Variants in USP35 observed in about 807,000 individuals in gnomAD.
The protein encoded by USP35 is ubiquitin specific peptidase 35.
USP35 carries 69 observed loss-of-function variants against 83.8 expected under a neutral mutation model. The observed-to-expected ratio is 0.82, with a 90% confidence interval of 0.68 to 1.01. The LOEUF (loss-of-function observed/expected upper bound fraction) is 1.01, where lower values mean the gene tolerates loss of function less well. Ranked by LOEUF, USP35 falls within the 50% of genes least tolerant of loss-of-function variation. The pLI is 0.00. For synonymous variants in USP35, 714 were observed against 589.5 expected, an observed-to-expected ratio of 1.21 and a Z score of -3.06; for missense variants, 1,503 against 1,362.5, an observed-to-expected ratio of 1.10 and a Z score of -1.62.
rs1157193072 is a variant in USP35, at chr11:78,213,010, C to CT, written c.2890-633dup. ...TACTGAGCAGCTGGAACAGCATGGG[C>CT]TTTGACCAGTGGGATGGGTGCCAGT... On this transcript the variant is annotated intron_variant, in intron 10 of 10. Transcript: ENST00000529308. Among the ~76,000 whole-genome samples, 3 of 152,306 alleles carry CT rather than the reference C, an allele frequency of 2.0e-5. No homozygotes were observed. The East Asian group carries it at 5.8e-4, about 29-fold the overall frequency.
chr11:78,201,900 C>T (rs1863371155), intron 6 of USP35, among the ~76,000 whole-genome samples: 1 of 151,968 alleles, frequency 6.6e-6, no homozygotes, highest in African/African-American at 2.4e-5. Context: ...GGTAGGTGGC[C>T]CTTGCAGAAC....
intron 1 of USP35, among the ~76,000 whole-genome samples, chr11:78,194,559 C>T (rs1326161299): frequency 6.6e-6 from 1 of 152,304 alleles, no homozygotes; most frequent in East Asian, 1.9e-4. Flanking sequence ...TGGTTCTGCG[C>T]TCCAGGAGAG....
the USP35 span, among the ~76,000 whole-genome samples, chr11:78,234,613 A>G: frequency 2.0e-5 from 3 of 148,404 alleles, no homozygotes; most frequent in African/African-American, 4.9e-5. Context: ...TTTTATTTAT[A>G]TATGCATTTA....
At chr11:78,203,727 T>C (rs1010437202) in intron 6 of USP35, among the ~76,000 whole-genome samples, 145 of 137,866 alleles carry the variant, frequency 1.1e-3, no homozygotes, top group Admixed American at 3.8e-3. Context: ...TACAGGCGCC[T>C]GCCACCACGC....
chr11:78,234,188 TCCTC>T, the USP35 span, among the ~76,000 whole-genome samples: 1 of 152,148 alleles, frequency 6.6e-6, no homozygotes, highest in African/African-American at 2.4e-5. Context: ...GCTCAAGTGA[TCCTC>T]CCACCACAGC....
chr11:78,223,396 G>T, the USP35 span: 3 of 1,505,470 alleles, frequency 2.0e-6, no homozygotes, highest in Non-Finnish European at 1.8e-6. Context: ...TGGGACAGGG[G>T]AAAGAATGGA....
intron 8 of USP35, 140 bp downstream of exon 8, chr11:78,207,763 C>A: frequency 5.8e-6 from 5 of 860,272 alleles, no homozygotes; most frequent in Non-Finnish European, 9.0e-6. Context: ...GCCGGGCTGG[C>A]ATATGGAACT....
intron 8 of USP35, among the ~76,000 whole-genome samples, chr11:78,207,905 C>T (rs1029386226): frequency 6.6e-6 from 1 of 152,228 alleles, no homozygotes; most frequent in African/African-American, 2.4e-5. Flanking sequence ...CCATTTTATG[C>T]TGCTAAAACC....
intron 1 of USP35, among the ~76,000 whole-genome samples, chr11:78,195,796 T>C (rs571835927): frequency 1.3e-4 from 20 of 152,180 alleles, no homozygotes; most frequent in South Asian, 8.3e-4. Flanking sequence ...AGTGGGATGA[T>C]CTCCACTCGC....
In USP35 at chr11:78,208,845, G is replaced by A. The variant is rs779845130; in HGVS notation, c.1486-12G>A. 1 of 1,614,146 alleles carries A rather than the reference G, an allele frequency of 6.2e-7. No individual in the cohort carries two copies. Among genetic ancestry groups the A allele is most frequent in the Non-Finnish European group, 8.5e-7 (1 of 1,180,000 alleles). ...CTGCTCCTGACCATGCCTTTCGCCT[G>A]CCTTGTCCTAGCGGCCTGCCATTTC... On this transcript the variant is annotated splice_polypyrimidine_tract_variant and intron_variant, in intron 8 of 10. Transcript: ENST00000529308.
At position 78,210,536 on chromosome 11, in the gene USP35, A is replaced by G. The variant is rs200603188; in HGVS notation, c.2681A>G (p.Asn894Ser). 1.1e-4 allele frequency: 177 copies of G among 1,613,364 alleles called. No individual in the cohort carries two copies. Among genetic ancestry groups the G allele is most frequent in the East Asian group, 3.1e-4 (14 of 44,864 alleles). Reference sequence around the variant, plus strand: ...CCCGAGAACCAGTGGTACCTGTTCAATGACACTCGGGTGTCCTTCTCTTCC... The same window carrying G: ...CCCGAGAACCAGTGGTACCTGTTCAGTGACACTCGGGTGTCCTTCTCTTCC... Reference protein sequence around the residue: ...PEPENQWYLFNDTRVSFSSFE... With the variant: ...PEPENQWYLFSDTRVSFSSFE... The change falls in exon 10 of 11, where the codon AAT (asparagine) becomes AGT (serine). Residue 894 changes from asparagine (N) to serine (S), a missense_variant. Transcript: ENST00000529308.
At chr11:78,189,841 GAC>G (rs1249609013) in intron 1 of USP35, among the ~76,000 whole-genome samples, 1 of 152,222 alleles carries the variant, frequency 6.6e-6, no homozygotes, top group African/African-American at 2.4e-5. Context: ...CTTTCCAGGA[GAC>G]AGTTTGGTGG....
At chr11:78,198,197 C>A (rs1863214388) in intron 3 of USP35, 129 bp downstream of exon 3, 2 of 1,395,006 alleles carry the variant, frequency 1.4e-6, no homozygotes, top group South Asian at 2.6e-5. Context: ...CATGTGTGTT[C>A]CATCATCTAT....
chr11:78,220,581 T>C, the USP35 span: 1 of 634,292 alleles, frequency 1.6e-6, no homozygotes, highest in Non-Finnish European at 2.6e-6. Flanking sequence ...GGACTTTTCA[T>C]GTTTTCATTT....
chr11:78,225,091 G>A, the USP35 span: 1 of 1,572,192 alleles, frequency 6.4e-7, no homozygotes, highest in Non-Finnish European at 8.8e-7. Context: ...AGGACCCTTG[G>A]GTTAACCCAC....
intron 8 of USP35, among the ~76,000 whole-genome samples, chr11:78,208,122 A>G (rs1272246828): frequency 6.6e-6 from 1 of 152,150 alleles, no homozygotes; most frequent in African/African-American, 2.4e-5. Flanking sequence ...TCCTGTCTCC[A>G]TTTGTGGCTG....
the USP35 span, among the ~76,000 whole-genome samples, chr11:78,227,352 G>A: frequency 2.0e-5 from 3 of 152,292 alleles, no homozygotes; most frequent in South Asian, 2.1e-4. Flanking sequence ...CGCAGAATAT[G>A]CACATTCGAA....
chr11:78,191,117 G>A (rs1358012760), intron 1 of USP35, among the ~76,000 whole-genome samples: 5 of 152,198 alleles, frequency 3.3e-5, no homozygotes, highest in South Asian at 2.1e-4. Flanking sequence ...TTGAGCGGGG[G>A]CCCAGGGCGT....
In USP35 at chr11:78,209,903, G is replaced by A. The variant is rs893084813; in HGVS notation, c.2048G>A (p.Gly683Glu). 1.9e-6 allele frequency: 3 copies of A among 1,601,668 alleles called. No homozygotes were observed. The highest frequency in any genetic ancestry group is 2.6e-6 in the Non-Finnish European group (3 of 1,173,468). ...GAAAGGATAGAGAGGGAGGAAGAAGGGAAGGAGGAGAGAACGGAGAAGGAA... is the reference window on the plus strand; with the variant it reads ...GAAAGGATAGAGAGGGAGGAAGAAGAGAAGGAGGAGAGAACGGAGAAGGAA... ...QEERIEREEE[G>E]KEERTEKEEV... is the part of the protein sequence containing the mutation. The change falls in exon 10 of 11, where the codon GGG (glycine) becomes GAG (glutamate). Residue 683 changes from glycine (G) to glutamate (E), a missense_variant. By Grantham distance (98) the Gly-to-Glu change is moderately conservative. Coordinates refer to ENST00000529308, the MANE Select transcript of USP35 (RefSeq NM_020798.4).
Sources: allele counts gnomAD v4.1 joint callset (sites outside exome capture counted in the v4.1 genomes callset), GRCh38; gene constraint gnomAD v4.1.1; transcripts MANE v1.5; gene names NCBI Gene and HGNC (gene_info 2026-07-23, HGNC 2026-07-21).